Variants in DPYD observed in about 807,000 individuals in gnomAD.
DPYD encodes dihydropyrimidine dehydrogenase [NADP(+)].
Under a neutral mutation model 116.2 loss-of-function variants are expected in DPYD, and 109 were observed. The observed-to-expected ratio is 0.94, with a 90% CI of 0.80 to 1.10. The LOEUF (loss-of-function observed/expected upper bound fraction) is 1.10. Among genes scored for constraint, DPYD ranks in the 50% least tolerant of loss-of-function variants. DPYD has a pLI of 0.00. For missense variants in DPYD, 1,302 were observed against 1,254.5 expected (o/e 1.04, Z -0.57); for synonymous variants, 440 against 432.0 (o/e 1.02, Z -0.23).
At chr1:97,618,675 A>G (rs1235108899) in intron 8 of DPYD, among the ~76,000 whole-genome samples, 1 of 152,210 alleles carries the variant, frequency 6.6e-6, no homozygotes, top group African/African-American at 2.4e-5. Context: ...CAGCATTGCT[A>G]TAGATGACAC....
At chr1:97,119,962 C>A (rs978293263) in intron 20 of DPYD, among the ~76,000 whole-genome samples, 1 of 152,142 alleles carries the variant, frequency 6.6e-6, no homozygotes, top group Admixed American at 6.5e-5. Context: ...TAATTCTCAT[C>A]CACACAAAAG....
At chr1:97,203,710 T>C in intron 19 of DPYD, among the ~76,000 whole-genome samples, 1 of 55,920 alleles carries the variant, frequency 1.8e-5, no homozygotes, top group Non-Finnish European at 3.1e-5. Context: ...ATAGGGAAAA[T>C]TAACGCATGG....
chr1:97,494,751 AACAC>A (rs10657499), intron 13 of DPYD, among the ~76,000 whole-genome samples: 28 of 146,722 alleles, frequency 1.9e-4, no homozygotes, highest in African/African-American at 4.3e-4. Context: ...CAAAAAAGAA[AACAC>A]ACACACACAC....
intron 13 of DPYD, among the ~76,000 whole-genome samples, chr1:97,455,098 C>T (rs1179351143): frequency 6.6e-6 from 1 of 151,716 alleles, no homozygotes; most frequent in African/African-American, 2.4e-5. Context: ...AAAAATAATT[C>T]AAGATAGAAG....
At chr1:97,445,725 ATT>A (rs35500519) in intron 14 of DPYD, among the ~76,000 whole-genome samples, 4 of 138,416 alleles carry the variant, frequency 2.9e-5, no homozygotes, top group Admixed American at 7.3e-5. Context: ...AAATTGTCTG[ATT>A]TTTTTTTTTT....
intron 13 of DPYD, among the ~76,000 whole-genome samples, chr1:97,501,579 T>C (rs1055161702): frequency 6.6e-6 from 1 of 151,914 alleles, no homozygotes; most frequent in Admixed American, 6.6e-5. Context: ...GGTGTGGTAG[T>C]GCACGCCTAT....
chr1:97,698,279 G>A (rs1367928562), intron 6 of DPYD, among the ~76,000 whole-genome samples: 1 of 151,598 alleles, frequency 6.6e-6, no homozygotes, highest in Non-Finnish European at 1.5e-5. Flanking sequence ...TTATATTAAT[G>A]ATAGCTTATA....
chr1:97,427,202 T>C (rs551048396), intron 14 of DPYD, among the ~76,000 whole-genome samples: 1 of 152,090 alleles, frequency 6.6e-6, no homozygotes, highest in East Asian at 1.9e-4. Flanking sequence ...TGAGATTAAT[T>C]ATCTGTTTAT....
At chr1:97,665,170 TACTC>T (rs1659490444) in intron 8 of DPYD, among the ~76,000 whole-genome samples, 1 of 152,000 alleles carries the variant, frequency 6.6e-6, no homozygotes, top group African/African-American at 2.4e-5. Context: ...TGCCCTAGAG[TACTC>T]CATTAACCAA....
chr1:97,600,589 T>C (rs2102276025), intron 8 of DPYD, among the ~76,000 whole-genome samples: 1 of 152,306 alleles, frequency 6.6e-6, no homozygotes, highest in Middle Eastern at 3.4e-3. Context: ...TAGCACTTAC[T>C]AGCTATTATG....
At chr1:97,393,459 A>G (rs2101609391) in intron 14 of DPYD, among the ~76,000 whole-genome samples, 1 of 151,388 alleles carries the variant, frequency 6.6e-6, no homozygotes, top group African/African-American at 2.4e-5. Context: ...CCACCCCACA[A>G]CAGGCCCCGG....
chr1:97,106,619 G>GC (rs1189889327), intron 20 of DPYD, among the ~76,000 whole-genome samples: 7 of 152,118 alleles, frequency 4.6e-5, no homozygotes, highest in Admixed American at 2.6e-4. Flanking sequence ...ACCATCTGCT[G>GC]CCCCCCTCAT....
At chr1:97,331,285 G>T (rs1421949930) in intron 16 of DPYD, among the ~76,000 whole-genome samples, 1 of 152,140 alleles carries the variant, frequency 6.6e-6, no homozygotes, top group Non-Finnish European at 1.5e-5. Context: ...GCCAGCCTAC[G>T]TAACAAAGAC....
chr1:97,330,455 A>G (rs1479341041), intron 16 of DPYD, among the ~76,000 whole-genome samples: 2 of 152,172 alleles, frequency 1.3e-5, no homozygotes, highest in African/African-American at 4.8e-5. Context: ...ATTTGATGAT[A>G]CTCATTAATT....
chr1:97,734,186 C>A (rs894546037), intron 4 of DPYD, among the ~76,000 whole-genome samples: 1 of 151,634 alleles, frequency 6.6e-6, no homozygotes, highest in Non-Finnish European at 1.5e-5. Context: ...TAAATATGTA[C>A]TTTTAATATC....
chr1:97,699,827 C>T (rs1160564368), intron 5 of DPYD, among the ~76,000 whole-genome samples: 1 of 151,932 alleles, frequency 6.6e-6, no homozygotes, highest in South Asian at 2.1e-4. Context: ...CTCCTCTAAG[C>T]TCCTACAGCA....
At position 97,086,747 on chromosome 1, in the gene DPYD, T is replaced by C. The variant is rs897618521; in HGVS notation, c.2767-4277A>G. Among the ~76,000 whole-genome samples, 8 of 9,266 alleles carry C rather than the reference T, an allele frequency of 8.6e-4. No homozygotes were observed. The South Asian group carries it at 0.032, about 37-fold the overall frequency. 6.1% of individuals were successfully genotyped at this position (9,266 alleles called of 152,430 possible). On this transcript the variant is annotated intron_variant, in intron 21 of 22. Coordinates refer to ENST00000370192, the MANE Select transcript of DPYD (RefSeq NM_000110.4). The stretch of plus-strand genomic sequence containing the variant: ...ATTGTTAAGTTCTTAATATGAACCA[T>C]TGTAAAATAAAAAAAAAATCATAAG...
At chr1:97,599,486 C>T (rs1655111362) in intron 8 of DPYD, among the ~76,000 whole-genome samples, 1 of 151,806 alleles carries the variant, frequency 6.6e-6, no homozygotes, top group African/African-American at 2.4e-5. Context: ...TTAAGAATTA[C>T]TCAGATTCTA....
intron 18 of DPYD, among the ~76,000 whole-genome samples, chr1:97,253,469 T>C (rs1663243985): frequency 6.6e-6 from 1 of 152,170 alleles, no homozygotes; most frequent in Non-Finnish European, 1.5e-5. Flanking sequence ...TTGTTTTATG[T>C]ATGGAAAAAT....
Sources: allele counts gnomAD v4.1 joint callset (sites outside exome capture counted in the v4.1 genomes callset), GRCh38; gene constraint gnomAD v4.1.1; transcripts MANE v1.5; gene names NCBI Gene and HGNC (gene_info 2026-07-23, HGNC 2026-07-21).